LSAMP: variants seen among roughly 807,000 people sequenced by gnomAD.
The protein encoded by LSAMP is limbic system-associated membrane protein.
In LSAMP, 7 loss-of-function variants were observed where a neutral mutation model predicts 38.6. The ratio of observed to expected loss-of-function variants is 0.18; its 90% CI spans 0.10 to 0.34. The LOEUF (loss-of-function observed/expected upper bound fraction) is 0.34. Ranked by LOEUF, LSAMP falls within the 10% of genes least tolerant of loss-of-function variation. LSAMP has a pLI of 1.00. For synonymous variants in LSAMP, 154 were observed against 166.8 expected (o/e 0.92, Z 0.59); for missense variants, 313 against 420.0 (o/e 0.75, Z 2.23).
chr3:115,885,898 T>G (rs13089620), intron 3 of LSAMP, among the ~76,000 whole-genome samples: 40 of 152,080 alleles, frequency 2.6e-4, no homozygotes, highest in Non-Finnish European at 4.4e-4. Context: ...CTTGACCTCT[T>G]AAAGCACTGA....
At position 116,445,440 on chromosome 3, in the gene LSAMP, G is replaced by A; in HGVS notation, c.-409C>T. ...CAGGCTGGCGGGCGGGCGGGCGAGG[G>A]AGCCGGCACCAAGCCTGCCAGTGAG... On this transcript the variant is annotated 5_prime_UTR_variant, in exon 1 of 7. Transcript: ENST00000490035. 2.2e-6 allele frequency: 1 copy of A among 447,382 alleles called. No individual in the cohort carries two copies. The highest frequency in any genetic ancestry group is 3.4e-5 in the East Asian group (1 of 29,514). The allele number at this position is 447,382 out of a possible 1,614,324, so 27.7% of individuals were successfully genotyped here.
chr3:116,211,383 A>G (rs2046154188), intron 1 of LSAMP, among the ~76,000 whole-genome samples: 1 of 152,254 alleles, frequency 6.6e-6, no homozygotes, highest in Non-Finnish European at 1.5e-5. Context: ...GAGGTAATGC[A>G]TATGTTAATT....
At chr3:115,958,099 C>T (rs1370313675) in intron 3 of LSAMP, among the ~76,000 whole-genome samples, 1 of 152,120 alleles carries the variant, frequency 6.6e-6, no homozygotes, top group Non-Finnish European at 1.5e-5. Flanking sequence ...TATATGCACA[C>T]ACACATACAT....
chr3:116,238,236 G>A (rs778565471), intron 1 of LSAMP, among the ~76,000 whole-genome samples: 1 of 152,082 alleles, frequency 6.6e-6, no homozygotes, highest in Non-Finnish European at 1.5e-5. Context: ...TGTCTCCTAC[G>A]AAGTTATTGG....
intron 3 of LSAMP, among the ~76,000 whole-genome samples, chr3:115,989,996 G>T (rs574578416): frequency 1.3e-5 from 2 of 152,142 alleles, no homozygotes; most frequent in Admixed American, 6.6e-5. Flanking sequence ...TGTTGCATAG[G>T]ATTGGAATTT....
At chr3:116,237,901 A>G (rs1410952958) in intron 1 of LSAMP, among the ~76,000 whole-genome samples, 1 of 152,212 alleles carries the variant, frequency 6.6e-6, no homozygotes, top group Non-Finnish European at 1.5e-5. Context: ...TCTCTTGAGC[A>G]GAATTTTCAG....
At chr3:116,322,832 T>G (rs2047723227) in intron 1 of LSAMP, among the ~76,000 whole-genome samples, 1 of 152,128 alleles carries the variant, frequency 6.6e-6, no homozygotes, top group Admixed American at 6.5e-5. Flanking sequence ...CTTTCTCTGC[T>G]TCTCTACTTT....
chr3:115,885,061 A>G (rs780875968), intron 3 of LSAMP, among the ~76,000 whole-genome samples: 3 of 152,082 alleles, frequency 2.0e-5, no homozygotes, highest in Non-Finnish European at 4.4e-5. Context: ...AAGTAAAAAC[A>G]TTTAGGGAAC....
At chr3:116,268,739 A>G (rs2046929361) in intron 1 of LSAMP, among the ~76,000 whole-genome samples, 1 of 152,006 alleles carries the variant, frequency 6.6e-6, no homozygotes, top group African/African-American at 2.4e-5. Context: ...ATTTTAAAGT[A>G]TATAATTTGT....
At chr3:115,860,186 C>A (rs761500495) in intron 3 of LSAMP, among the ~76,000 whole-genome samples, 9 of 152,186 alleles carry the variant, frequency 5.9e-5, no homozygotes, top group Non-Finnish European at 8.8e-5. Flanking sequence ...TGCTAAGTGA[C>A]CCAGATATAT....
chr3:115,886,567 TG>T (rs1553744776), intron 3 of LSAMP, among the ~76,000 whole-genome samples: 1 of 152,034 alleles, frequency 6.6e-6, no homozygotes, highest in Non-Finnish European at 1.5e-5. Flanking sequence ...CTTGAAATAC[TG>T]GTAAGTATTT....
At chr3:116,392,236 G>T (rs1172540879) in intron 1 of LSAMP, among the ~76,000 whole-genome samples, 2 of 152,168 alleles carry the variant, frequency 1.3e-5, no homozygotes, top group Non-Finnish European at 2.9e-5. Context: ...CTCTCCAGGT[G>T]CAGCTACAGC....
chr3:116,048,298 T>A (rs9832312), intron 2 of LSAMP, among the ~76,000 whole-genome samples: 3,390 of 152,300 alleles, frequency 0.022, 110 homozygotes, highest in African/African-American at 0.074. Flanking sequence ...TTTACATAAG[T>A]TGTCAAAGAA....
At chr3:116,443,347 T>C (rs2049462530) in intron 1 of LSAMP, among the ~76,000 whole-genome samples, 1 of 152,210 alleles carries the variant, frequency 6.6e-6, no homozygotes. Context: ...AGGGAAAATC[T>C]GCTTTGGATA....
chr3:116,008,679 C>A (rs555588807), intron 3 of LSAMP, among the ~76,000 whole-genome samples: 19 of 151,776 alleles, frequency 1.3e-4, no homozygotes, highest in African/African-American at 2.4e-5. Context: ...CCCCCACTCC[C>A]CACCAATATT....
chr3:116,385,950 C>T (rs1021166594), intron 1 of LSAMP, among the ~76,000 whole-genome samples: 3 of 151,134 alleles, frequency 2.0e-5, no homozygotes, highest in Non-Finnish European at 4.4e-5. Flanking sequence ...ACTACTATTA[C>T]AAATAACCAC....
intron 4 of LSAMP, among the ~76,000 whole-genome samples, chr3:115,844,931 C>T (rs1027390090): frequency 3.9e-5 from 6 of 152,070 alleles, no homozygotes; most frequent in Non-Finnish European, 5.9e-5. Context: ...GAGCCGAGAT[C>T]GAGCCACTGC....
At chr3:116,254,169 GAGA>G (rs1198248950) in intron 1 of LSAMP, among the ~76,000 whole-genome samples, 1 of 152,068 alleles carries the variant, frequency 6.6e-6, no homozygotes, top group Admixed American at 6.6e-5. Flanking sequence ...ATCCAACACA[GAGA>G]AGGAGGTAAA....
chr3:116,434,953 A>G lies in LSAMP; in HGVS notation c.155+9924T>C, dbSNP rs1384070726. ...TTGCATAGGTCATCTCAGGTCCTTC[A>G]TTCTGCCAACTCCATGAAGTCTGGA... On this transcript the variant is annotated intron_variant, in intron 1 of 6. Coordinates refer to ENST00000490035, the MANE Select transcript of LSAMP (RefSeq NM_002338.5). Among the ~76,000 whole-genome samples the G allele has an allele frequency of 3.9e-5, 6 of 152,184 alleles. No individual in the cohort carries two copies. In the East Asian group the frequency reaches 9.7e-4, roughly 24 times the overall value.
Sources: allele counts gnomAD v4.1 joint callset (sites outside exome capture counted in the v4.1 genomes callset), GRCh38; gene constraint gnomAD v4.1.1; transcripts MANE v1.5; gene names NCBI Gene and HGNC (gene_info 2026-07-23, HGNC 2026-07-21).